Variants in TSPAN5 observed in about 807,000 individuals in gnomAD.
TSPAN5 encodes tetraspanin 5, also known as tetraspanin-5.
In TSPAN5, 10 loss-of-function variants were observed where a neutral mutation model predicts 37.1. The ratio of observed to expected loss-of-function variants is 0.27; its 90% CI spans 0.17 to 0.46. The LOEUF (loss-of-function observed/expected upper bound fraction) is 0.46, where lower values mean the gene tolerates loss of function less well. Among genes scored for constraint, TSPAN5 ranks in the 20% least tolerant of loss-of-function variants. The pLI is 1.00. For missense variants in TSPAN5, 195 were observed against 326.6 expected (o/e 0.60, Z 3.11); for synonymous variants, 110 against 118.9 (o/e 0.93, Z 0.48).
intron 1 of TSPAN5, among the ~76,000 whole-genome samples, chr4:98,589,865 G>C (rs1287425926): frequency 4.6e-5 from 7 of 152,160 alleles, no homozygotes; most frequent in Admixed American, 2.6e-4. Context: ...TCTGTGGAAG[G>C]TGGTGGGGTT....
intron 1 of TSPAN5, among the ~76,000 whole-genome samples, chr4:98,637,070 C>T (rs1411419742): frequency 6.6e-6 from 1 of 152,198 alleles, no homozygotes; most frequent in African/African-American, 2.4e-5. Flanking sequence ...CCATCACCAG[C>T]AAGTTCCTCT....
intron 1 of TSPAN5, among the ~76,000 whole-genome samples, chr4:98,524,986 T>C (rs889018280): frequency 2.0e-5 from 3 of 152,242 alleles, no homozygotes; most frequent in African/African-American, 7.2e-5. Context: ...GATGTTTCTA[T>C]GGCCAGGTCT....
intron 1 of TSPAN5, among the ~76,000 whole-genome samples, chr4:98,621,468 T>C (rs1343158127): frequency 6.7e-6 from 1 of 148,788 alleles, no homozygotes; most frequent in Non-Finnish European, 1.5e-5. Flanking sequence ...CCCAGGTTCA[T>C]ACCATCCTCC....
chr4:98,515,956 C>T (rs1753719150), intron 1 of TSPAN5, among the ~76,000 whole-genome samples: 1 of 152,182 alleles, frequency 6.6e-6, no homozygotes, highest in African/African-American at 2.4e-5. Context: ...AAAGAAGTTT[C>T]TCTCCATCAG....
At position 98,517,570 on chromosome 4, in the gene TSPAN5, A is replaced by G. The variant is rs556833610; in HGVS notation, c.82-9842T>C. Among the ~76,000 whole-genome samples, 47 of 152,246 alleles carry G rather than the reference A, an allele frequency of 3.1e-4. No individual in the cohort carries two copies. The South Asian group carries it at 9.1e-3, about 30-fold the overall frequency. On this transcript the variant is annotated intron_variant, in intron 1 of 7. Coordinates refer to ENST00000305798, the MANE Select transcript of TSPAN5 (RefSeq NM_005723.4). ...GAAGAAATGTCTACAATCCAGGGACAGTCTTGTTTGCAAACTCTTTTGTTA... is the reference window on the plus strand; with the variant it reads ...GAAGAAATGTCTACAATCCAGGGACGGTCTTGTTTGCAAACTCTTTTGTTA...
chr4:98,490,464 G>A (rs1467406410), intron 2 of TSPAN5, among the ~76,000 whole-genome samples: 2 of 152,118 alleles, frequency 1.3e-5, no homozygotes, highest in Non-Finnish European at 2.9e-5. Context: ...GCCTTCAACT[G>A]TTTCCACGGA....
At chr4:98,475,026 G>A (rs753169308) in intron 7 of TSPAN5, among the ~76,000 whole-genome samples, 45 of 152,012 alleles carry the variant, frequency 3.0e-4, no homozygotes, top group South Asian at 6.2e-4. Context: ...TCTCTATATG[G>A]CTAATCTTAC....
chr4:98,523,281 C>T (rs1753894716), intron 1 of TSPAN5, among the ~76,000 whole-genome samples: 1 of 152,124 alleles, frequency 6.6e-6, no homozygotes, highest in African/African-American at 2.4e-5. Flanking sequence ...CTTATTTCCT[C>T]TGGTTTAAAG....
At chr4:98,634,075 G>T (rs576828366) in intron 1 of TSPAN5, among the ~76,000 whole-genome samples, 2 of 149,526 alleles carry the variant, frequency 1.3e-5, no homozygotes, top group Middle Eastern at 3.5e-3. Context: ...GCGAAACTCT[G>T]TCTCAAAAAA....
chr4:98,624,642 C>A (rs1233213316), intron 1 of TSPAN5, among the ~76,000 whole-genome samples: 1 of 152,160 alleles, frequency 6.6e-6, no homozygotes, highest in Non-Finnish European at 1.5e-5. Context: ...AAGAAAAAGT[C>A]TTCTCAATGT....
chr4:98,515,707 G>A (rs1383660299), intron 1 of TSPAN5, among the ~76,000 whole-genome samples: 1 of 152,096 alleles, frequency 6.6e-6, no homozygotes, highest in East Asian at 1.9e-4. Flanking sequence ...GGAAGTGGCA[G>A]CATCCGGCCT....
intron 1 of TSPAN5, among the ~76,000 whole-genome samples, chr4:98,607,565 C>T (rs769663115): frequency 2.6e-5 from 4 of 152,124 alleles, no homozygotes; most frequent in Non-Finnish European, 4.4e-5. Context: ...CCCCCTTCCT[C>T]CATATAGTTT....
chr4:98,520,764 A>G (rs371144672), intron 1 of TSPAN5, among the ~76,000 whole-genome samples: 3 of 152,216 alleles, frequency 2.0e-5, no homozygotes, highest in African/African-American at 7.2e-5. Context: ...CCTTTTATCC[A>G]TTTCTTAAAA....
At chr4:98,473,724 A>C (rs113437488) in intron 7 of TSPAN5, among the ~76,000 whole-genome samples, 5,738 of 152,210 alleles carry the variant, frequency 0.038, 346 homozygotes, top group African/African-American at 0.13. Flanking sequence ...CTTTATTAGC[A>C]ATTTTAATCT....
chr4:98,598,093 C>T (rs1435748666), intron 1 of TSPAN5, among the ~76,000 whole-genome samples: 6 of 96,832 alleles, frequency 6.2e-5, no homozygotes, highest in African/African-American at 1.2e-4. Flanking sequence ...AGCGAGATTT[C>T]GTGGGCGTAG....
intron 1 of TSPAN5, among the ~76,000 whole-genome samples, chr4:98,568,485 TG>T (rs33958985): frequency 0.052 from 7,852 of 152,104 alleles, 239 homozygotes; most frequent in Middle Eastern, 0.088. Flanking sequence ...GAGGTTGCAG[TG>T]ACCCGAGATC....
chr4:98,647,981 C>G (rs914512150), intron 1 of TSPAN5, among the ~76,000 whole-genome samples: 1 of 151,738 alleles, frequency 6.6e-6, no homozygotes, highest in Non-Finnish European at 1.5e-5. Context: ...CAGCCGTAAT[C>G]AAAGATCTAA....
chr4:98,604,490 A>G (rs1347791553), intron 1 of TSPAN5, among the ~76,000 whole-genome samples: 3 of 152,240 alleles, frequency 2.0e-5, no homozygotes, highest in African/African-American at 7.2e-5. Flanking sequence ...ACTGTCTTAT[A>G]AAACAGCTAA....
intron 2 of TSPAN5, among the ~76,000 whole-genome samples, chr4:98,506,354 G>T (rs1337813463): frequency 6.6e-6 from 1 of 152,204 alleles, no homozygotes; most frequent in African/African-American, 2.4e-5. Flanking sequence ...AACTTAATTT[G>T]TCTCCCCTCA....
Sources: gnomAD v4.1 joint callset for allele counts (sites outside exome capture counted in the v4.1 genomes callset) on GRCh38, gnomAD v4.1.1 for gene constraint, MANE v1.5 for transcripts, NCBI Gene and HGNC (gene_info 2026-07-23, HGNC 2026-07-21) for gene names.